Variants in KRT15 observed in about 807,000 individuals in gnomAD.
The protein encoded by KRT15 is keratin 15, also known as keratin, type I cytoskeletal 15.
Under a neutral mutation model 46.6 loss-of-function variants are expected in KRT15, and 45 were observed. The ratio of observed to expected loss-of-function variants is 0.97; its 90% confidence interval spans 0.76 to 1.24. The LOEUF is 1.24. Among genes scored for constraint, KRT15 ranks in the 50% most tolerant of loss-of-function variants. The pLI is 0.00. For synonymous variants in KRT15, 221 were observed against 233.8 expected (o/e 0.95, Z 0.50); for missense variants, 592 against 588.9 (o/e 1.01, Z -0.05).
chr17:41,514,754 G>A (rs1905275529), intron 6 of KRT15, 80 bp from the exon 7 acceptor site: 3 of 1,476,506 alleles, frequency 2.0e-6, no homozygotes, highest in Non-Finnish European at 2.8e-6. Context: ...AGATAGCTAT[G>A]CAGTGTTCTT....
At chr17:41,518,247 T>G in intron 1 of KRT15, 83 bp downstream of exon 1, 5 of 1,460,262 alleles carry the variant, frequency 3.4e-6, no homozygotes, top group Non-Finnish European at 4.6e-6. Context: ...AGGATTTCCT[T>G]GAGTCAGCAG....
rs773813693 is a variant in KRT15 at position 41,516,017 on chromosome 17, G to T, written c.901-7C>A. On this transcript the variant is annotated splice_region_variant and splice_polypyrimidine_tract_variant and intron_variant, in intron 4 of 7. Coordinates refer to ENST00000254043, the MANE Select transcript of KRT15 (RefSeq NM_002275.4). ...CTTTGTTCAGCTCCTCAGTCTGTAG[G>T]TCATGCACAACAGAAGTGAGCCCCG... The T allele has an allele frequency of 1.2e-6, 2 of 1,614,178 alleles. No homozygotes were observed. The highest frequency in any genetic ancestry group is 1.7e-6 in the Non-Finnish European group (2 of 1,180,030).
rs1193860183 is a variant in KRT15 at position 41,516,855 on chromosome 17, C to T, written c.691G>A (p.Glu231Lys). The T allele has an allele frequency of 8.1e-6, 13 of 1,614,124 alleles. No individual in the cohort carries two copies. The highest frequency in any genetic ancestry group is 1.0e-5 in the Non-Finnish European group (12 of 1,180,050). The change falls in exon 3 of 8, where the codon GAG becomes AAG. Residue 231 changes from glutamate (E) to lysine (K), a missense_variant. By Grantham distance (56) the Glu-to-Lys change is moderately conservative. Coordinates refer to ENST00000254043, the MANE Select transcript of KRT15 (RefSeq NM_002275.4). ...TAGGCTAGCTCCTCATTCAGGCCCTCGATCTGCATCTCCAGGTCAGTCCTG... is the reference window on the plus strand; with the variant it reads ...TAGGCTAGCTCCTCATTCAGGCCCTTGATCTGCATCTCCAGGTCAGTCCTG... Reference protein sequence around the residue: ...LARTDLEMQIEGLNEELAYLK... With the variant: ...LARTDLEMQIKGLNEELAYLK...
At position 41,516,804 on chromosome 17, in the gene KRT15, TC is replaced by T; in HGVS notation, c.738+3del. ...GTTCAGGGGTGATGGGGGCCAGCTC[TC>T]ACCTCTTCGTGGTTCTTCTTCAGGT... On this transcript the variant is annotated splice_donor_region_variant and intron_variant, in intron 3 of 7. Coordinates refer to ENST00000254043, the MANE Select transcript of KRT15 (RefSeq NM_002275.4). 1 of 1,614,142 alleles carries T rather than the reference TC, an allele frequency of 6.2e-7. No homozygotes were observed. The highest frequency in any genetic ancestry group is 8.5e-7 in the Non-Finnish European group (1 of 1,179,992).
At position 41,518,399 on chromosome 17, in the gene KRT15, C is replaced by T. The variant is rs1403357972; in HGVS notation, c.429G>A (p.Lys143=). 2 of 1,614,114 alleles carry T rather than the reference C, an allele frequency of 1.2e-6. No individual in the cohort carries two copies. Among genetic ancestry groups the T allele is most frequent in the Non-Finnish European group, 1.7e-6 (2 of 1,180,010 alleles). ...LEVKIHDWYQ[K]QTPTSPECDY... is the part of the protein sequence containing the mutation. ...CGCATTCTGGGCTGGTTGGGGTCTG[C>T]TTCTGGTACCAGTCATGGATCTTCA... Residue 143 remains lysine, a synonymous_variant, in exon 1 of 8, where the codon AAG becomes AAA. Transcript: ENST00000254043.
At chr17:41,514,806 G>C in intron 6 of KRT15, 132 bp from the exon 7 acceptor site, 1 of 807,142 alleles carries the variant, frequency 1.2e-6, no homozygotes, top group Non-Finnish European at 2.0e-6. Flanking sequence ...GACTCCTCTA[G>C]GGGTGGGACA....
intron 5 of KRT15, 65 bp from the exon 6 acceptor site, chr17:41,515,757 A>AG: frequency 6.3e-7 from 1 of 1,596,442 alleles, no homozygotes; most frequent in Non-Finnish European, 8.6e-7. Context: ...GCAAGCAGGG[A>AG]GGGGGCACTG....
chr17:41,516,939 G>C lies in KRT15; in HGVS notation c.607C>G (p.Gln203Glu). 6.2e-7 allele frequency: 1 copy of C among 1,614,188 alleles called. No individual in the cohort carries two copies. The highest frequency in any genetic ancestry group is 2.2e-5 in the East Asian group (1 of 44,874). Reference protein sequence around the residue: ...LKYENELALRQGVEADINGLR... With the variant: ...LKYENELALREGVEADINGLR... ...CCGTTGATGTCAGCCTCAACGCCCT[G>C]GCGCAGGGCCAGCTCATTCTCATAC... The change falls in exon 3 of 8, where the codon CAG becomes GAG. Residue 203 changes from glutamine (Q) to glutamate (E), a missense_variant. Transcript: ENST00000254043.
At chr17:41,517,783 G>C (rs1320162828) in intron 1 of KRT15, among the ~76,000 whole-genome samples, 2 of 152,162 alleles carry the variant, frequency 1.3e-5, no homozygotes, top group Admixed American at 6.5e-5. Context: ...CTAGCATCTG[G>C]AACTCATGAG....
intron 5 of KRT15, 71 bp from the exon 6 acceptor site, chr17:41,515,763 C>T: frequency 6.3e-7 from 1 of 1,594,158 alleles, no homozygotes; most frequent in South Asian, 1.1e-5. Flanking sequence ...AGGGAGGGGG[C>T]ACTGAATGGA....
intron 4 of KRT15, 23 bp from the exon 5 acceptor site, chr17:41,516,033 G>T: frequency 6.2e-7 from 1 of 1,614,194 alleles, no homozygotes; most frequent in African/African-American, 1.3e-5. Context: ...CACAACAGAA[G>T]TGAGCCCCGG....
chr17:41,518,205 T>C, intron 1 of KRT15, 125 bp downstream of exon 1: 3 of 1,155,966 alleles, frequency 2.6e-6, no homozygotes, highest in South Asian at 3.2e-5. Flanking sequence ...TTGCTGAGAT[T>C]ACATACCAGA....
chr17:41,515,662 T>A lies in KRT15; in HGVS notation c.1057A>T (p.Thr353Ser). Residue 353 changes from threonine (T) to serine (S), a missense_variant, in exon 6 of 8, where the codon ACA (threonine) becomes TCA (serine). Coordinates refer to ENST00000254043, the MANE Select transcript of KRT15 (RefSeq NM_002275.4). The stretch of plus-strand genomic sequence containing the variant: ...AGCTGCGTGGCATAGCGGCACTCTG[T>A]CTCGGCCAGTGAGTTCTCCAGCCCA... ...KAGLENSLAE[T>S]ECRYATQLQQ... 6.2e-7 allele frequency: 1 copy of A among 1,614,074 alleles called. No homozygotes were observed. Among genetic ancestry groups the A allele is most frequent in the Non-Finnish European group, 8.5e-7 (1 of 1,179,970 alleles).
At position 41,515,828 on chromosome 17, in the gene KRT15, G is replaced by A. The variant is rs1362613812; in HGVS notation, c.1026+57C>T. The A allele has an allele frequency of 3.1e-6, 5 of 1,612,806 alleles. No individual in the cohort carries two copies. In the African/African-American group the frequency reaches 6.7e-5, roughly 22 times the overall value. ...GAGAACTCCAAGGCTTAAATAGCCA[G>A]GAAGAGTGGGAGCTTCTACCACCCG... On this transcript the variant is annotated intron_variant, in intron 5 of 7. Coordinates refer to ENST00000254043, the MANE Select transcript of KRT15 (RefSeq NM_002275.4).
chr17:41,516,321 T>A lies in KRT15; in HGVS notation c.739-56A>T, dbSNP rs551045702. The A allele has an allele frequency of 2.2e-5, 34 of 1,556,058 alleles. No individual in the cohort carries two copies. In the South Asian group the frequency reaches 3.5e-4, roughly 16 times the overall value. On this transcript the variant is annotated intron_variant, in intron 3 of 7. Coordinates refer to ENST00000254043, the MANE Select transcript of KRT15 (RefSeq NM_002275.4). ...GGAGAGCAGAAGAGAGACCTGAGAG[T>A]CTGGCGTCACACATGCCAATCCTGG... is the stretch of plus-strand genomic sequence containing the variant.
In KRT15 at chr17:41,513,793, C is replaced by A. The variant is rs1905239007; in HGVS notation, c.*230G>T. ...CTTTATTACATGAACAGACACTGTA[C>A]AAATGAGCTTGTTACACAATACAGC... is the stretch of plus-strand genomic sequence containing the variant. On this transcript the variant is annotated 3_prime_UTR_variant, in exon 8 of 8. Transcript: ENST00000254043. The A allele has an allele frequency of 1.9e-6, 1 of 523,688 alleles. No individual in the cohort carries two copies. The highest frequency in any genetic ancestry group is 3.5e-6 in the Non-Finnish European group (1 of 287,994). The allele number at this position is 523,688 out of a possible 1,614,324, so 32.4% of individuals were successfully genotyped here.
intron 7 of KRT15, 134 bp downstream of exon 7, chr17:41,514,515 G>C (rs1214825330): frequency 3.9e-6 from 3 of 771,350 alleles, no homozygotes; most frequent in Non-Finnish European, 6.4e-6. Context: ...CTGGGGAAGA[G>C]GCATCTAATG....
chr17:41,515,683 G>C lies in KRT15; in HGVS notation c.1036C>G (p.Leu346Val). 3 of 1,613,750 alleles carry C rather than the reference G, an allele frequency of 1.9e-6. No homozygotes were observed. The highest frequency in any genetic ancestry group is 2.5e-6 in the Non-Finnish European group (3 of 1,179,720). The change falls in exon 6 of 8, where the codon CTG becomes GTG. Residue 346 changes from leucine (L) to valine (V), a missense_variant. By Grantham distance (32) the Leu-to-Val change is conservative. Coordinates refer to ENST00000254043, the MANE Select transcript of KRT15 (RefSeq NM_002275.4). ...LQSQLSMKAG[L>V]ENSLAETECR... is the part of the protein sequence containing the mutation. The stretch of plus-strand genomic sequence containing the variant: ...TCTGTCTCGGCCAGTGAGTTCTCCA[G>C]CCCAGCTTTCTGGGGGAGTGACAGA...
At chr17:41,517,059 G>A (rs1375548695) in intron 2 of KRT15, 24 bp downstream of exon 2, 11 of 1,614,188 alleles carry the variant, frequency 6.8e-6, no homozygotes, top group Non-Finnish European at 6.8e-6. Flanking sequence ...AATGCAGGAA[G>A]AGGAGAGAGA....
Sources: allele counts gnomAD v4.1 joint callset (sites outside exome capture counted in the v4.1 genomes callset), GRCh38; gene constraint gnomAD v4.1.1; transcripts MANE v1.5; gene names NCBI Gene and HGNC (gene_info 2026-07-23, HGNC 2026-07-21).